The following KCNK10 variants were observed in gnomAD, a reference collection of about 807,000 sequenced individuals.
KCNK10 encodes potassium channel subfamily K member 10.
KCNK10 carries 25 observed loss-of-function variants against 47.7 expected under a neutral mutation model. The ratio of observed to expected loss-of-function variants is 0.52; its 90% CI spans 0.38 to 0.73. The LOEUF (loss-of-function observed/expected upper bound fraction) is 0.73, where lower values mean the gene tolerates loss of function less well. KCNK10 is among the 30% of genes least tolerant of loss of function. KCNK10 has a pLI of 0.00. For missense variants in KCNK10, 563 were observed against 714.5 expected, an observed-to-expected ratio of 0.79 and a Z score of 2.42; for synonymous variants, 303 against 285.6, an observed-to-expected ratio of 1.06 and a Z score of -0.61.
chr14:88,253,846 T>G (rs1258734505), intron 2 of KCNK10, among the ~76,000 whole-genome samples: 1 of 152,116 alleles, frequency 6.6e-6, no homozygotes, highest in African/African-American at 2.4e-5. Flanking sequence ...TGCAGTGAGC[T>G]AAGATCTCAC....
intron 4 of KCNK10, among the ~76,000 whole-genome samples, chr14:88,199,331 T>C (rs114285741): frequency 0.021 from 3,141 of 152,312 alleles, 101 homozygotes; most frequent in African/African-American, 0.072. Flanking sequence ...GTGAGTTCCC[T>C]TCTTTAGCTT....
chr14:88,189,037 C>A (rs958113920), intron 5 of KCNK10, among the ~76,000 whole-genome samples: 2 of 152,162 alleles, frequency 1.3e-5, no homozygotes, highest in Non-Finnish European at 2.9e-5. Context: ...CAGGCAGTGG[C>A]CATTTCTAAG....
At chr14:88,198,016 T>C (rs544449420) in intron 4 of KCNK10, among the ~76,000 whole-genome samples, 1 of 152,310 alleles carries the variant, frequency 6.6e-6, no homozygotes, top group South Asian at 2.1e-4. Context: ...CTGGTAGATA[T>C]TGAAGGCAAA....
intron 4 of KCNK10, among the ~76,000 whole-genome samples, chr14:88,215,600 C>T (rs773730228): frequency 6.6e-6 from 1 of 152,148 alleles, no homozygotes; most frequent in African/African-American, 2.4e-5. Context: ...AGTATTATCT[C>T]AACAAAATCC....
chr14:88,243,981 T>C (rs1886553234), intron 2 of KCNK10, among the ~76,000 whole-genome samples: 3 of 151,836 alleles, frequency 2.0e-5, no homozygotes, highest in Admixed American at 2.0e-4. Flanking sequence ...AAATTATACA[T>C]AAGGCTTGTT....
intron 2 of KCNK10, among the ~76,000 whole-genome samples, chr14:88,251,307 A>G (rs190557623): frequency 7.9e-5 from 12 of 151,780 alleles, no homozygotes; most frequent in Admixed American, 3.3e-4. Flanking sequence ...AGCATTTTCT[A>G]TTGGCCAGCC....
At chr14:88,320,837 T>G (rs1024757985) in intron 1 of KCNK10, among the ~76,000 whole-genome samples, 9 of 152,172 alleles carry the variant, frequency 5.9e-5, no homozygotes, top group Non-Finnish European at 1.2e-4. Context: ...AACTCTTCAT[T>G]GGCTTTAGAT....
chr14:88,237,222 C>G (rs769598838), intron 3 of KCNK10, among the ~76,000 whole-genome samples: 1 of 152,198 alleles, frequency 6.6e-6, no homozygotes, highest in East Asian at 1.9e-4. Context: ...TAAGAAGAAG[C>G]TCCTAATTCA....
At chr14:88,208,072 G>T (rs572427811) in intron 4 of KCNK10, among the ~76,000 whole-genome samples, 198 of 152,258 alleles carry the variant, frequency 1.3e-3, no homozygotes, top group Non-Finnish European at 2.7e-3. Flanking sequence ...GATCACCAAG[G>T]CTCTTACTTT....
At position 88,186,217 on chromosome 14, in the gene KCNK10, G is replaced by C. The variant is rs1884556830; in HGVS notation, c.1012-62C>G. On this transcript the variant is annotated intron_variant, in intron 6 of 6. Coordinates refer to ENST00000319231, the MANE Select transcript of KCNK10 (RefSeq NM_138317.3). This position sits in a 1 kb window ranked among gnomAD's most constrained non-coding sequence, Gnocchi z 5.5. ...AATGCCTCCCTGCCTTGGCCTCCCA[G>C]CACCCACAGCCCTCGGGTGTCCCCA... 1.7e-5 allele frequency: 25 copies of C among 1,506,214 alleles called. No homozygotes were observed. The highest frequency in any genetic ancestry group is 2.2e-5 in the Admixed American group (1 of 46,488). 93.3% of individuals were successfully genotyped at this position (1,506,214 alleles called of 1,614,324 possible).
At chr14:88,218,318 C>T (rs17124268) in intron 4 of KCNK10, among the ~76,000 whole-genome samples, 4,983 of 152,276 alleles carry the variant, frequency 0.033, 106 homozygotes, top group South Asian at 0.058. Flanking sequence ...CTTTGGCTTC[C>T]GCCACATGCC....
Position 88,292,946 on chromosome 14 carries a change from G to A in KCNK10, c.53-29395C>T, listed in dbSNP as rs142281157. Among the ~76,000 whole-genome samples the A allele has an allele frequency of 1.5e-3, 230 of 152,282 alleles. 1 individual carries two copies. Among genetic ancestry groups the A allele is most frequent in the African/African-American group, 5.1e-3 (214 of 41,556 alleles). ...GCTGAAAGAGAGCTTTGAATTGGAT[G>A]AGAGGTTGATGTTTTGATTCATGTA... On this transcript the variant is annotated intron_variant, in intron 1 of 6. Coordinates refer to ENST00000319231, the MANE Select transcript of KCNK10 (RefSeq NM_138317.3).
At chr14:88,246,264 G>GAAA (rs35102974) in intron 2 of KCNK10, among the ~76,000 whole-genome samples, 981 of 55,256 alleles carry the variant, frequency 0.018, 38 homozygotes, top group African/African-American at 0.07. Flanking sequence ...CTCCGTCTCA[G>GAAA]AAAAAAAAAA....
intron 1 of KCNK10, among the ~76,000 whole-genome samples, chr14:88,301,907 A>G (rs189129362): frequency 9.8e-4 from 149 of 152,280 alleles, no homozygotes; most frequent in African/African-American, 3.6e-3. Context: ...TTTTTAAAAG[A>G]TCATTGTGGC....
chr14:88,272,207 C>T (rs1465268383), intron 1 of KCNK10, among the ~76,000 whole-genome samples: 2 of 152,158 alleles, frequency 1.3e-5, no homozygotes, highest in Admixed American at 6.5e-5. Flanking sequence ...CGGCATGTTG[C>T]TCAATGCCTT....
chr14:88,197,218 A>G (rs1884942221), intron 4 of KCNK10, among the ~76,000 whole-genome samples: 1 of 152,212 alleles, frequency 6.6e-6, no homozygotes. Context: ...AGATGTTGGT[A>G]TATATGGGTA....
In KCNK10 at chr14:88,322,456, CA is replaced by C. The variant is rs1452152494; in HGVS notation, c.52+290del. Among the ~76,000 whole-genome samples, 1 of 151,964 alleles carries C rather than the reference CA, an allele frequency of 6.6e-6. No homozygotes were observed. Among genetic ancestry groups the C allele is most frequent in the Admixed American group, 6.6e-5 (1 of 15,264 alleles). ...ACACACACACTCGCACACTCAAAGT[CA>C]AAAGCAAATACCGACACTTGCAATT... On this transcript the variant is annotated intron_variant, in intron 1 of 6. Transcript: ENST00000319231. This position sits in a 1 kb window ranked among gnomAD's most constrained non-coding sequence, Gnocchi z 4.8.
At chr14:88,324,140 G>A (rs1888613338), upstream of KCNK10, among the ~76,000 whole-genome samples, 3 of 152,236 alleles carry the variant, frequency 2.0e-5, no homozygotes, top group Non-Finnish European at 4.4e-5. Flanking sequence ...TCCCGGAAGC[G>A]GCGGCCCCGG....
At position 88,194,965 on chromosome 14, in the gene KCNK10, G is replaced by A. The variant is rs138120281; in HGVS notation, c.682-2555C>T. ...TGCTATAAAAAGAAGTGCTGTGGGC[G>A]TAAGGTTTTAGCAATATCTGTTATT... On this transcript the variant is annotated intron_variant, in intron 4 of 6. Transcript: ENST00000319231. Among the ~76,000 whole-genome samples the A allele has an allele frequency of 8.3e-4, 126 of 151,898 alleles. 4 individuals are homozygous for A. The Middle Eastern group carries it at 0.014, about 16-fold the overall frequency.
Sources: allele counts gnomAD v4.1 joint callset (sites outside exome capture counted in the v4.1 genomes callset), GRCh38; gene constraint gnomAD v4.1.1; non-coding constraint Gnocchi (gnomAD v3.1); transcripts MANE v1.5; gene names NCBI Gene and HGNC (gene_info 2026-07-23, HGNC 2026-07-21).